USP42: variants seen among roughly 807,000 people sequenced by gnomAD.
USP42 encodes the protein ubiquitin carboxyl-terminal hydrolase 42.
USP42 carries 23 observed loss-of-function variants against 113.0 expected under a neutral mutation model. The observed-to-expected ratio is 0.20, with a 90% confidence interval of 0.15 to 0.29. USP42 has a LOEUF of 0.29. Among genes scored for constraint, USP42 ranks in the 10% least tolerant of loss-of-function variants. The pLI is 1.00. For missense variants in USP42, 2,174 were observed against 1,779.8 expected, an observed-to-expected ratio of 1.22 and a Z score of -3.99; for synonymous variants, 933 against 699.0, an observed-to-expected ratio of 1.33 and a Z score of -5.28.
intron 2 of USP42, among the ~76,000 whole-genome samples, chr7:6,114,268 G>T (rs919815907): frequency 6.6e-6 from 1 of 152,134 alleles, no homozygotes; most frequent in African/African-American, 2.4e-5. Flanking sequence ...TGGTGGCAAT[G>T]AATTAGCATC....
At chr7:6,103,584 A>T (rs1790205337), upstream of USP42, among the ~76,000 whole-genome samples, 1 of 150,096 alleles carries the variant, frequency 6.7e-6, no homozygotes, top group South Asian at 2.1e-4. Context: ...ACAGTGGCGC[A>T]CCGGTGGGGT....
rs869283400 is a variant in USP42 at position 6,114,678 on chromosome 7, ATTTTTTTT to A, written c.242-624_242-617del. On this transcript the variant is annotated intron_variant, in intron 2 of 17. Transcript: ENST00000306177. ...TGTGTATATATATATATATATATAT[ATTTTTTTT>A]TTTTTTTTTTTTTTTTTTTTGAGAC... Among the ~76,000 whole-genome samples the A allele has an allele frequency of 2.1e-4, 4 of 18,882 alleles. No individual in the cohort carries two copies. In the South Asian group the frequency reaches 0.014, roughly 66 times the overall value. 12.4% of individuals were successfully genotyped at this position (18,882 alleles called of 152,430 possible). A position where few individuals can be genotyped will look rare whatever the true frequency, so the allele number is the denominator to read the frequency against.
At chr7:6,114,383 A>T (rs1428112760) in intron 2 of USP42, among the ~76,000 whole-genome samples, 3 of 151,828 alleles carry the variant, frequency 2.0e-5, no homozygotes, top group Non-Finnish European at 2.9e-5. Context: ...ATTATAATGA[A>T]CTCTCATGTA....
Position 6,161,018 on chromosome 7 carries a change from G to A in USP42, c.*500G>A, listed in dbSNP as rs1033965389. 7 of 152,608 alleles carry A rather than the reference G, an allele frequency of 4.6e-5. No individual in the cohort carries two copies. Among genetic ancestry groups the A allele is most frequent in the Admixed American group, 4.6e-4 (7 of 15,284 alleles). 9.5% of individuals were successfully genotyped at this position (152,608 alleles called of 1,614,324 possible). A position where few individuals can be genotyped will look rare whatever the true frequency, so the allele number is the denominator to read the frequency against. ...GAGCAGTCTGTTTTCTGTAATGTCTGATACTAGAAACTAATTTGCTTATTT... is the reference window on the plus strand; with the variant it reads ...GAGCAGTCTGTTTTCTGTAATGTCTAATACTAGAAACTAATTTGCTTATTT... On this transcript the variant is annotated 3_prime_UTR_variant, in exon 18 of 18. Transcript: ENST00000306177.
chr7:6,145,415 T>A, intron 9 of USP42, 101 bp from the exon 10 acceptor site: 2 of 1,402,492 alleles, frequency 1.4e-6, no homozygotes, highest in Non-Finnish European at 2.0e-6. Flanking sequence ...TCAGGTGTTC[T>A]GTGGGTCTCC....
At chr7:6,109,403 C>T (rs369400219) in intron 1 of USP42, among the ~76,000 whole-genome samples, 10 of 152,084 alleles carry the variant, frequency 6.6e-5, no homozygotes, top group South Asian at 2.1e-4. Context: ...CCTTTTCTTT[C>T]TTTCTTTTCT....
intron 3 of USP42, among the ~76,000 whole-genome samples, chr7:6,123,666 A>G (rs973780754): frequency 6.6e-6 from 1 of 151,992 alleles, no homozygotes; most frequent in African/African-American, 2.4e-5. Flanking sequence ...ATCTCAAAAA[A>G]TAAAAAATAA....
At chr7:6,107,411 T>TTC (rs1381288346) in intron 1 of USP42, among the ~76,000 whole-genome samples, 3 of 141,740 alleles carry the variant, frequency 2.1e-5, no homozygotes, top group Admixed American at 7.1e-5. Context: ...TTCCTTTTCT[T>TTC]TTTTTTTTTT....
chr7:6,125,887 AACT>A, intron 3 of USP42, among the ~76,000 whole-genome samples: 1 of 151,522 alleles, frequency 6.6e-6, no homozygotes, highest in East Asian at 1.9e-4. Context: ...TATTTGTGGT[AACT>A]AGATTCACAT....
chr7:6,153,777 C>T lies in USP42; in HGVS notation c.2223C>T (p.Gly741=). 2 of 1,476,698 alleles carry T rather than the reference C, an allele frequency of 1.4e-6. No homozygotes were observed. The highest frequency in any genetic ancestry group is 1.3e-5 in the South Asian group (1 of 74,290). The allele number at this position is 1,476,698 out of a possible 1,614,324, so 91.5% of individuals were successfully genotyped here. ...GCAGTGCACCTGGAGCAGAGAGGGG[C>T]CCTCCCGAGGACCGCGACGCCGAGC... is the stretch of plus-strand genomic sequence containing the variant. The part of the protein sequence containing the change: ...DEMSAPGAER[G]PPEDRDAEPQ... The change falls in exon 15 of 18, where the codon GGC becomes GGT. Residue 741 remains glycine, a synonymous_variant. Transcript: ENST00000306177.
At chr7:6,120,005 G>A (rs1212655074) in intron 3 of USP42, among the ~76,000 whole-genome samples, 4 of 152,168 alleles carry the variant, frequency 2.6e-5, no homozygotes, top group East Asian at 3.9e-4. Context: ...TCGCTCTGCC[G>A]CCCGGGCTGG....
At chr7:6,134,340 G>T (rs565629453) in intron 3 of USP42, among the ~76,000 whole-genome samples, 1 of 152,152 alleles carries the variant, frequency 6.6e-6, no homozygotes, top group South Asian at 2.1e-4. Context: ...CTTGTTACCG[G>T]TCATTTCTGC....
the USP42 span, among the ~76,000 whole-genome samples, chr7:6,093,812 T>C: frequency 6.6e-6 from 1 of 151,062 alleles, no homozygotes; most frequent in Non-Finnish European, 1.5e-5. Context: ...TTTTTCATAG[T>C]GGTTGTAAAA....
intron 1 of USP42, among the ~76,000 whole-genome samples, 153 bp downstream of exon 1, chr7:6,105,185 C>T (rs927248075): frequency 6.2e-5 from 9 of 145,670 alleles, no homozygotes; most frequent in African/African-American, 1.7e-4. Context: ...CCTACACAGC[C>T]GCGGGCCGCC....
At chr7:6,125,233 A>G (rs1780467416) in intron 3 of USP42, among the ~76,000 whole-genome samples, 1 of 151,206 alleles carries the variant, frequency 6.6e-6, no homozygotes, top group Admixed American at 6.6e-5. Context: ...TCATGCCTGT[A>G]ATCCCAGCAC....
At position 6,154,516 on chromosome 7, in the gene USP42, C is replaced by A. The variant is rs753494558; in HGVS notation, c.2962C>A (p.Arg988Ser). Residue 988 changes from arginine to serine, a missense_variant, in exon 15 of 18, where the codon CGC becomes AGC. By Grantham distance (110) the Arg-to-Ser change is moderately radical. Coordinates refer to ENST00000306177, the MANE Select transcript of USP42 (RefSeq NM_032172.3). ...HRRRRTCPRERDRQDRHAPEH... is the reference protein window; with the variant it reads ...HRRRRTCPRESDRQDRHAPEH... ...GCGGCGCCGCACCTGCCCCCGGGAGCGCGACCGCCAGGACCGCCACGCCCC... is the reference window on the plus strand; with the variant it reads ...GCGGCGCCGCACCTGCCCCCGGGAGAGCGACCGCCAGGACCGCCACGCCCC... 4 of 1,540,628 alleles carry A rather than the reference C, an allele frequency of 2.6e-6. No individual in the cohort carries two copies. Among genetic ancestry groups the A allele is most frequent in the Non-Finnish European group, 3.5e-6 (4 of 1,143,510 alleles).
At chr7:6,086,362 T>C in the USP42 span, among the ~76,000 whole-genome samples, 3 of 150,636 alleles carry the variant, frequency 2.0e-5, no homozygotes, top group Non-Finnish European at 2.9e-5. Flanking sequence ...CCTGCCACCA[T>C]GCCTGGCTAA....
At chr7:6,130,382 AG>A (rs1238199907) in intron 3 of USP42, among the ~76,000 whole-genome samples, 1 of 152,162 alleles carries the variant, frequency 6.6e-6, no homozygotes, top group Non-Finnish European at 1.5e-5. Flanking sequence ...CTGCAGTGGG[AG>A]TGGTTTTGTT....
In USP42 at chr7:6,157,378, G is replaced by T. The variant is rs567665502; in HGVS notation, c.3943+323G>T. 14 of 1,026,156 alleles carry T rather than the reference G, an allele frequency of 1.4e-5. No individual in the cohort carries two copies. Among genetic ancestry groups the T allele is most frequent in the African/African-American group, 1.7e-5 (1 of 58,722 alleles). The allele number at this position is 1,026,156 out of a possible 1,614,324, so 63.6% of individuals were successfully genotyped here. ...AGGACCAGAACTCTTGGTTTGGTTTGGTTTTATTTTATTTTATTTTATTTA... is the reference window on the plus strand; with the variant it reads ...AGGACCAGAACTCTTGGTTTGGTTTTGTTTTATTTTATTTTATTTTATTTA... On this transcript the variant is annotated intron_variant, in intron 16 of 17. Coordinates refer to ENST00000306177, the MANE Select transcript of USP42 (RefSeq NM_032172.3). The surrounding 1 kb of genome is among the most constrained non-coding windows in gnomAD (Gnocchi z 4.1).
Sources: gnomAD v4.1 joint callset for allele counts (sites outside exome capture counted in the v4.1 genomes callset) on GRCh38, gnomAD v4.1.1 for gene constraint, Gnocchi (gnomAD v3.1) non-coding constraint, MANE v1.5 for transcripts, NCBI Gene and HGNC (gene_info 2026-07-23, HGNC 2026-07-21) for gene names.